The following MALT1 variants were observed in gnomAD, a reference collection of about 807,000 sequenced individuals.
MALT1 encodes MALT1 paracaspase.
In MALT1, 36 loss-of-function variants were observed where a neutral mutation model predicts 85.5. That is an observed-to-expected ratio of 0.42 (90% CI 0.32 to 0.56). The LOEUF is 0.56. Among genes scored for constraint, MALT1 ranks in the 20% least tolerant of loss-of-function variants. The pLI is 0.10. For synonymous variants in MALT1, 359 were observed against 361.3 expected (o/e 0.99, Z 0.07); for missense variants, 716 against 981.6 (o/e 0.73, Z 3.62).
At chr18:58,695,004 G>A (rs868072233) in intron 2 of MALT1, among the ~76,000 whole-genome samples, 3 of 152,148 alleles carry the variant, frequency 2.0e-5, no homozygotes, top group African/African-American at 7.2e-5. Context: ...TTGAATCATG[G>A]GGGCAGGTCT....
intron 9 of MALT1, among the ~76,000 whole-genome samples, chr18:58,721,500 T>C (rs144104759): frequency 1.3e-3 from 202 of 149,758 alleles, no homozygotes; most frequent in African/African-American, 4.9e-3. Flanking sequence ...TTCACTGTTA[T>C]GTATATTCAT....
chr18:58,693,486 T>C (rs1178338135), intron 2 of MALT1, among the ~76,000 whole-genome samples: 1 of 152,180 alleles, frequency 6.6e-6, no homozygotes, highest in Admixed American at 6.5e-5. Context: ...TAAACAGATT[T>C]TTCAGTGTAG....
intron 2 of MALT1, among the ~76,000 whole-genome samples, chr18:58,691,872 CAAA>C (rs34428404): frequency 8.2e-5 from 11 of 134,770 alleles, no homozygotes; most frequent in African/African-American, 3.0e-4. Flanking sequence ...GACTCCGTCT[CAAA>C]AAAAAAAAAC....
rs754853912 is a variant in MALT1 at position 58,709,358 on chromosome 18, A to T, written c.650-20A>T. The T allele has an allele frequency of 6.6e-7, 1 of 1,508,902 alleles. No homozygotes were observed. The highest frequency in any genetic ancestry group is 2.4e-5 in the East Asian group (1 of 42,502). The allele number at this position is 1,508,902 out of a possible 1,614,324, so 93.5% of individuals were successfully genotyped here. On this transcript the variant is annotated intron_variant, in intron 4 of 16. Transcript: ENST00000649217. ...TTTTTATTTTTAACCTAGAGATTTTATTTTTTCTTTTAATTTAAGGAAGTG... is the reference window on the plus strand; with the variant it reads ...TTTTTATTTTTAACCTAGAGATTTTTTTTTTTCTTTTAATTTAAGGAAGTG...
intron 10 of MALT1, among the ~76,000 whole-genome samples, chr18:58,728,709 CA>C (rs750576987): frequency 2.6e-4 from 40 of 152,168 alleles, no homozygotes; most frequent in Non-Finnish European, 4.9e-4. Context: ...GACTTTGATA[CA>C]GAATAGTTAC....
At chr18:58,705,737 G>C (rs1341621438) in intron 4 of MALT1, among the ~76,000 whole-genome samples, 3 of 151,828 alleles carry the variant, frequency 2.0e-5, no homozygotes, top group African/African-American at 7.3e-5. Flanking sequence ...TTGGACATTT[G>C]GGTTGGTTCC....
rs552838701 is a variant in MALT1, at chr18:58,688,536, C to CAA, written c.376+7226_376+7227dup. 3.6e-3 allele frequency among the ~76,000 whole-genome samples: 221 copies of CAA among 61,384 alleles called. 5 individuals carry two copies. The highest frequency in any genetic ancestry group is 5.5e-3 in the African/African-American group (119 of 21,476). The allele number at this position is 61,384 out of a possible 152,430, so 40.3% of individuals were successfully genotyped here. ...GCAACATAATGAGGCCCTGTTTCTACAAAAAAAAAAAAAAAAAAAAAAAAA... is the reference window on the plus strand; with the variant it reads ...GCAACATAATGAGGCCCTGTTTCTACAAAAAAAAAAAAAAAAAAAAAAAAAAA... On this transcript the variant is annotated intron_variant, in intron 2 of 16. Coordinates refer to ENST00000649217, the MANE Select transcript of MALT1 (RefSeq NM_006785.4).
chr18:58,692,652 G>T (rs1052371080), intron 2 of MALT1, among the ~76,000 whole-genome samples: 2 of 152,144 alleles, frequency 1.3e-5, no homozygotes, highest in African/African-American at 2.4e-5. Context: ...ATCTCTAAGT[G>T]TTCAGGTGAA....
At chr18:58,685,089 A>G (rs1162165363) in intron 2 of MALT1, among the ~76,000 whole-genome samples, 2 of 152,192 alleles carry the variant, frequency 1.3e-5, no homozygotes, top group African/African-American at 4.8e-5. Flanking sequence ...TAGTAAGTTT[A>G]TCTGATCTCC....
intron 16 of MALT1, 110 bp from the exon 17 acceptor site, chr18:58,747,295 A>AGGAGAGTGAGTGGATTTTTGGGGGT: frequency 1.5e-6 from 1 of 689,634 alleles, no homozygotes; most frequent in African/African-American, 1.8e-5. Context: ...AACCTGGGAA[A>AGGAGAGTGAGTGGATTTTTGGGGGT]GGAGAGTGAG....
chr18:58,672,656 A>T (rs2054182022), intron 1 of MALT1: 1 of 152,266 alleles, frequency 6.6e-6, no homozygotes, highest in African/African-American at 2.4e-5. Context: ...ATAACCCATT[A>T]TATGGTAACA....
Position 58,735,154 on chromosome 18 carries a change from A to G in MALT1, c.1476-48A>G, listed in dbSNP as rs756129110. Reference sequence around the variant, plus strand: ...CATCCACATATAAGTGAGAACATACAGTATTTGCCTTTCTGTGCCTGGCTT... The same window carrying G: ...CATCCACATATAAGTGAGAACATACGGTATTTGCCTTTCTGTGCCTGGCTT... On this transcript the variant is annotated intron_variant, in intron 12 of 16. Coordinates refer to ENST00000649217, the MANE Select transcript of MALT1 (RefSeq NM_006785.4). 4.0e-6 allele frequency: 6 copies of G among 1,505,976 alleles called. No individual in the cohort carries two copies. In the South Asian group the frequency reaches 6.1e-5, roughly 15 times the overall value. The allele number at this position is 1,505,976 out of a possible 1,614,324, so 93.3% of individuals were successfully genotyped here. A position where few individuals can be genotyped will look rare whatever the true frequency, so the allele number is the denominator to read the frequency against.
At chr18:58,716,000 A>G in intron 9 of MALT1, 33 bp downstream of exon 9, 13 of 1,501,934 alleles carry the variant, frequency 8.7e-6, no homozygotes, top group Admixed American at 1.9e-5. Context: ...TTATCAAAGT[A>G]TAATTATTGT....
chr18:58,678,152 T>C (rs1211182062), intron 1 of MALT1, among the ~76,000 whole-genome samples: 1 of 152,220 alleles, frequency 6.6e-6, no homozygotes, highest in African/African-American at 2.4e-5. Context: ...TTTGATCGTA[T>C]ACATTTTTTC....
Position 58,748,816 on chromosome 18 carries a change from C to G in MALT1, c.*974C>G, listed in dbSNP as rs909980573. Reference sequence around the variant, plus strand: ...AAAGTCTCACAAAGAAAATCCCAGGCCTAGATGGCTGCATTGTTGAATTCT... The same window carrying G: ...AAAGTCTCACAAAGAAAATCCCAGGGCTAGATGGCTGCATTGTTGAATTCT... On this transcript the variant is annotated 3_prime_UTR_variant, in exon 17 of 17. Transcript: ENST00000649217. 2 of 202,448 alleles carry G rather than the reference C, an allele frequency of 9.9e-6. No homozygotes were observed. The highest frequency in any genetic ancestry group is 4.6e-5 in the African/African-American group (2 of 43,620). The allele number at this position is 202,448 out of a possible 1,614,324, so 12.5% of individuals were successfully genotyped here. A position where few individuals can be genotyped will look rare whatever the true frequency, so the allele number is the denominator to read the frequency against.
At chr18:58,687,552 G>A (rs894011428) in intron 2 of MALT1, among the ~76,000 whole-genome samples, 3 of 152,220 alleles carry the variant, frequency 2.0e-5, no homozygotes, top group Admixed American at 6.5e-5. Flanking sequence ...GTACTCTTCT[G>A]TGATAGCATA....
chr18:58,731,488 A>G (rs1285789489), intron 10 of MALT1, among the ~76,000 whole-genome samples: 4 of 152,152 alleles, frequency 2.6e-5, no homozygotes. Context: ...CATTCACAAC[A>G]GTAATTTAGT....
intron 2 of MALT1, among the ~76,000 whole-genome samples, chr18:58,695,163 A>G (rs1168949327): frequency 6.6e-6 from 1 of 152,212 alleles, no homozygotes; most frequent in East Asian, 1.9e-4. Context: ...AGTCCTCCCT[A>G]GCCACGTAGA....
chr18:58,696,552 T>A (rs1034658638), intron 3 of MALT1, 65 bp downstream of exon 3: 1 of 1,311,478 alleles, frequency 7.6e-7, no homozygotes, highest in African/African-American at 1.5e-5. Flanking sequence ...TTAATTAACA[T>A]TATCGTCCTA....
Sources: gnomAD v4.1 joint callset for allele counts (sites outside exome capture counted in the v4.1 genomes callset) on GRCh38, gnomAD v4.1.1 for gene constraint, MANE v1.5 for transcripts, NCBI Gene and HGNC (gene_info 2026-07-23, HGNC 2026-07-21) for gene names.